Variants in TEAD4 observed in about 807,000 individuals in gnomAD.
TEAD4 encodes the protein TEA domain transcription factor 4, also known as transcriptional enhancer factor TEF-3.
Under a neutral mutation model 52.4 loss-of-function variants are expected in TEAD4, and 36 were observed. The ratio of observed to expected loss-of-function variants is 0.69; its 90% CI spans 0.53 to 0.91. The LOEUF is 0.91. Ranked by LOEUF, TEAD4 falls within the 40% of genes least tolerant of loss-of-function variation. TEAD4 has a pLI of 0.00. For missense variants in TEAD4, 508 were observed against 583.9 expected (o/e 0.87, Z 1.34); for synonymous variants, 220 against 231.0 (o/e 0.95, Z 0.43).
rs1203300722 is a variant in TEAD4 at position 3,037,973 on chromosome 12, C to T, written c.903C>T (p.Asp301=). ...TTCCCACTGTCTCCCTCCAGGCAGA[C>T]CTCAACACCAACATCGAGGATGAAG... The change falls in exon 11 of 13, where the codon GAC becomes GAT. Residue 301 remains aspartate (D), a synonymous_variant. Transcript: ENST00000359864. The T allele has an allele frequency of 2.5e-6, 4 of 1,613,294 alleles. No homozygotes were observed. The African/African-American group carries it at 5.3e-5, about 22-fold the overall frequency.
chr12:2,991,113 C>T (rs2098242624), intron 2 of TEAD4, among the ~76,000 whole-genome samples: 1 of 152,138 alleles, frequency 6.6e-6, no homozygotes. Context: ...GCAGGAGGAT[C>T]TCTTGAACCC....
intron 3 of TEAD4, among the ~76,000 whole-genome samples, chr12:3,010,329 A>T (rs1471846854): frequency 6.6e-6 from 1 of 152,218 alleles, no homozygotes; most frequent in Non-Finnish European, 1.5e-5. Flanking sequence ...GTTTTCCAGG[A>T]TGCTTCAGGC....
At chr12:3,008,448 G>A (rs1260816814) in intron 3 of TEAD4, among the ~76,000 whole-genome samples, 6 of 152,192 alleles carry the variant, frequency 3.9e-5, no homozygotes, top group Admixed American at 6.5e-5. Flanking sequence ...TTTCCAGGCC[G>A]TTGTAAGGAC....
chr12:3,024,235 T>C (rs572058416), intron 10 of TEAD4, among the ~76,000 whole-genome samples: 7 of 152,026 alleles, frequency 4.6e-5, no homozygotes, highest in South Asian at 4.2e-4. Context: ...CCACCACGCC[T>C]GGCTAATTTT....
chr12:2,974,774 T>G (rs1342794677), intron 2 of TEAD4, among the ~76,000 whole-genome samples: 1 of 151,970 alleles, frequency 6.6e-6, no homozygotes, highest in Non-Finnish European at 1.5e-5. Flanking sequence ...GACACCTGGT[T>G]TGGGCTGACC....
intron 3 of TEAD4, among the ~76,000 whole-genome samples, chr12:3,003,655 C>T (rs1417463863): frequency 7.9e-5 from 12 of 152,088 alleles, no homozygotes; most frequent in Admixed American, 7.2e-4. Flanking sequence ...GGGGTGGGGC[C>T]GTGGGTGTGA....
At chr12:3,000,132 G>T (rs2098250527) in intron 3 of TEAD4, among the ~76,000 whole-genome samples, 1 of 152,150 alleles carries the variant, frequency 6.6e-6, no homozygotes, top group Non-Finnish European at 1.5e-5. Context: ...AATGAGAGGG[G>T]CAGGAAAAAC....
chr12:3,035,446 G>A (rs1404623468), intron 10 of TEAD4, among the ~76,000 whole-genome samples: 2 of 152,206 alleles, frequency 1.3e-5, no homozygotes, highest in Non-Finnish European at 2.9e-5. Context: ...AATATGTCCT[G>A]AGCACACAAA....
Position 2,994,690 on chromosome 12 carries a change from A to G in TEAD4, c.-29-48A>G. On this transcript the variant is annotated intron_variant, in intron 2 of 12. Transcript: ENST00000359864. This position sits in a 1 kb window ranked among gnomAD's most constrained non-coding sequence, Gnocchi z 4.7. ...CCGGAGTGCCTTCATCCCGTGGCCC[A>G]CGCAGTTCTTCCACTGCTCACCGGG... 6.7e-7 allele frequency: 1 copy of G among 1,503,486 alleles called. No individual in the cohort carries two copies. 93.1% of individuals were successfully genotyped at this position (1,503,486 alleles called of 1,614,324 possible).
intron 2 of TEAD4, among the ~76,000 whole-genome samples, chr12:2,982,940 G>A (rs1054233129): frequency 6.6e-6 from 1 of 152,214 alleles, no homozygotes; most frequent in Non-Finnish European, 1.5e-5. Flanking sequence ...GGCCAGTCCA[G>A]CTCAGCTTGG....
intron 3 of TEAD4, among the ~76,000 whole-genome samples, chr12:2,999,770 A>G (rs547704830): frequency 1.3e-5 from 2 of 152,182 alleles, no homozygotes; most frequent in African/African-American, 4.8e-5. Context: ...TGGGATTCGA[A>G]CAACTTCTCG....
At chr12:2,980,558 C>A (rs1179349677) in intron 2 of TEAD4, among the ~76,000 whole-genome samples, 1 of 151,460 alleles carries the variant, frequency 6.6e-6, no homozygotes, top group East Asian at 2.0e-4. Flanking sequence ...CATGGTGAAA[C>A]CCCACCTCTA....
chr12:3,018,618 G>A (rs767645843), intron 7 of TEAD4, 30 bp downstream of exon 7: 83 of 1,612,748 alleles, frequency 5.1e-5, no homozygotes, highest in Non-Finnish European at 6.4e-5. Flanking sequence ...TCTCTTGCCA[G>A]TTGCTCCCTG....
intron 10 of TEAD4, among the ~76,000 whole-genome samples, chr12:3,033,313 G>C (rs2098277019): frequency 6.6e-6 from 1 of 152,198 alleles, no homozygotes; most frequent in South Asian, 2.1e-4. Context: ...AGGCTGCTAG[G>C]GCTGTGCACA....
intron 10 of TEAD4, among the ~76,000 whole-genome samples, chr12:3,026,782 A>C (rs967244718): frequency 6.6e-6 from 1 of 152,182 alleles, no homozygotes; most frequent in African/African-American, 2.4e-5. Flanking sequence ...TGTGCATCCT[A>C]CAGTTAAGGG....
intron 10 of TEAD4, among the ~76,000 whole-genome samples, chr12:3,031,890 C>T (rs918624271): frequency 2.0e-5 from 3 of 152,158 alleles, no homozygotes; most frequent in Non-Finnish European, 4.4e-5. Flanking sequence ...GTCCTCCTTG[C>T]GAAGTCACTG....
chr12:2,976,357 C>CCA (rs59263702), intron 2 of TEAD4, among the ~76,000 whole-genome samples: 122,825 of 147,354 alleles, frequency 0.83, 51,973 homozygotes, highest in Non-Finnish European at 0.91. Flanking sequence ...ACACCCTGCC[C>CCA]CCTCCCAACC....
intron 2 of TEAD4, among the ~76,000 whole-genome samples, chr12:2,972,233 C>T (rs2153952851): frequency 6.6e-6 from 1 of 152,176 alleles, no homozygotes; most frequent in South Asian, 2.1e-4. Flanking sequence ...CATGTGCCAC[C>T]ACACCTGGCT....
chr12:2,972,491 CTTTTTTTT>C (rs751852771), intron 2 of TEAD4, among the ~76,000 whole-genome samples: 5 of 34,750 alleles, frequency 1.4e-4, no homozygotes, highest in African/African-American at 4.9e-4. Context: ...CAGCATGTCT[CTTTTTTTT>C]TTTTTTTTTT....
Sources: allele counts gnomAD v4.1 joint callset (sites outside exome capture counted in the v4.1 genomes callset), GRCh38; gene constraint gnomAD v4.1.1; non-coding constraint Gnocchi (gnomAD v3.1); transcripts MANE v1.5; gene names NCBI Gene and HGNC (gene_info 2026-07-23, HGNC 2026-07-21).